The following LSAMP variants were observed in gnomAD, a reference collection of about 807,000 sequenced individuals.
LSAMP encodes limbic system-associated membrane protein.
Under a neutral mutation model 38.6 loss-of-function variants are expected in LSAMP, and 7 were observed. That is an observed-to-expected ratio of 0.18 (90% CI 0.10 to 0.34). The LOEUF (loss-of-function observed/expected upper bound fraction) is 0.34. Among genes scored for constraint, LSAMP ranks in the 10% least tolerant of loss-of-function variants. The pLI, the probability that LSAMP is intolerant of heterozygous loss-of-function variation, is 1.00. For synonymous variants in LSAMP, 154 were observed against 166.8 expected, an observed-to-expected ratio of 0.92 and a Z score of 0.59; for missense variants, 313 against 420.0, an observed-to-expected ratio of 0.75 and a Z score of 2.23.
chr3:115,852,338 G>A, intron 4 of LSAMP, 145 bp downstream of exon 4: 2 of 842,570 alleles, frequency 2.4e-6, no homozygotes, highest in Non-Finnish European at 3.4e-6. Context: ...GCCCTTGGAT[G>A]TGTTCAATGT....
intron 1 of LSAMP, among the ~76,000 whole-genome samples, chr3:116,276,694 A>G (rs1405887611): frequency 6.6e-6 from 1 of 152,030 alleles, no homozygotes; most frequent in African/African-American, 2.4e-5. Flanking sequence ...GAAAAAAAAA[A>G]AAAGAAAACA....
chr3:115,951,050 G>A (rs960516941), intron 3 of LSAMP, among the ~76,000 whole-genome samples: 1 of 152,122 alleles, frequency 6.6e-6, no homozygotes, highest in Admixed American at 6.6e-5. Flanking sequence ...AACAAATGGT[G>A]CTGGTATAAT....
chr3:116,409,920 T>C (rs2048948717), intron 1 of LSAMP, among the ~76,000 whole-genome samples: 1 of 152,072 alleles, frequency 6.6e-6, no homozygotes, highest in Admixed American at 6.6e-5. Context: ...GCTCTCCCAC[T>C]ACGTGTCTGC....
chr3:116,416,609 C>T (rs2049053997), intron 1 of LSAMP, among the ~76,000 whole-genome samples: 2 of 152,132 alleles, frequency 1.3e-5, no homozygotes, highest in Non-Finnish European at 2.9e-5. Context: ...CCTTTCCTTG[C>T]CTTTTGGTGA....
chr3:116,136,410 A>G (rs934277342), intron 1 of LSAMP, among the ~76,000 whole-genome samples: 2 of 152,160 alleles, frequency 1.3e-5, no homozygotes, highest in African/African-American at 4.8e-5. Flanking sequence ...CAGGCATCAT[A>G]AAAGAACAAA....
At chr3:116,274,941 G>A (rs755454218) in intron 1 of LSAMP, among the ~76,000 whole-genome samples, 6 of 108,722 alleles carry the variant, frequency 5.5e-5, no homozygotes, top group Non-Finnish European at 1.1e-4. Context: ...GAATAACATC[G>A]AGTAAAAATA....
At chr3:116,162,140 AT>A (rs1179621529) in intron 1 of LSAMP, among the ~76,000 whole-genome samples, 1 of 152,182 alleles carries the variant, frequency 6.6e-6, no homozygotes, top group Non-Finnish European at 1.5e-5. Flanking sequence ...ATGAAAATGA[AT>A]TCTAGTGCTA....
At chr3:116,122,080 C>G (rs1390932336) in intron 1 of LSAMP, among the ~76,000 whole-genome samples, 2 of 151,950 alleles carry the variant, frequency 1.3e-5, no homozygotes, top group African/African-American at 4.8e-5. Context: ...AAATAAAAAT[C>G]AAGGCATCAA....
chr3:116,126,412 G>C (rs1303441037), intron 1 of LSAMP, among the ~76,000 whole-genome samples: 1 of 152,226 alleles, frequency 6.6e-6, no homozygotes, highest in Non-Finnish European at 1.5e-5. Context: ...TTGGAAATAA[G>C]GAGTGTTGAT....
chr3:115,806,315 A>T lies in LSAMP; in HGVS notation c.*4002T>A. 6.6e-6 allele frequency: 1 copy of T among 152,180 alleles called. No homozygotes were observed. The highest frequency in any genetic ancestry group is 1.5e-5 in the Non-Finnish European group (1 of 68,034). 9.4% of individuals were successfully genotyped at this position (152,180 alleles called of 1,614,324 possible). A position where few individuals can be genotyped will look rare whatever the true frequency, so the allele number is the denominator to read the frequency against. On this transcript the variant is annotated 3_prime_UTR_variant, in exon 7 of 7. Transcript: ENST00000490035. ...CATTATTGTAAATATAGCATCTATAAAGATAAAAAATACACACACATATAT... is the reference window on the plus strand; with the variant it reads ...CATTATTGTAAATATAGCATCTATATAGATAAAAAATACACACACATATAT...
intron 3 of LSAMP, among the ~76,000 whole-genome samples, chr3:115,864,442 T>C (rs993443771): frequency 6.6e-6 from 1 of 152,182 alleles, no homozygotes; most frequent in Non-Finnish European, 1.5e-5. Context: ...CTCACATTGG[T>C]GCAGCATCAT....
intron 1 of LSAMP, among the ~76,000 whole-genome samples, chr3:116,426,865 AATT>A (rs1197339109): frequency 1.3e-5 from 2 of 150,634 alleles, no homozygotes; most frequent in Non-Finnish European, 2.9e-5. Context: ...GGGGGAGTGT[AATT>A]ATTATTATTA....
chr3:115,851,338 C>G (rs1935324955), intron 4 of LSAMP, among the ~76,000 whole-genome samples: 1 of 152,286 alleles, frequency 6.6e-6, no homozygotes, highest in Middle Eastern at 3.4e-3. Context: ...TCCTTATCTT[C>G]CTCCTGAGAG....
intron 4 of LSAMP, 21 bp from the exon 5 acceptor site, chr3:115,842,599 C>G (rs767438874): frequency 6.2e-7 from 1 of 1,611,906 alleles, no homozygotes; most frequent in East Asian, 2.2e-5. Flanking sequence ...GACAGGCACA[C>G]AAGTTTACAT....
chr3:115,886,733 C>G (rs1448166035), intron 3 of LSAMP, among the ~76,000 whole-genome samples: 1 of 151,940 alleles, frequency 6.6e-6, no homozygotes, highest in African/African-American at 2.4e-5. Context: ...TGCATTTCCA[C>G]AAACCCACTT....
chr3:116,357,223 T>C (rs1055321625), intron 1 of LSAMP, among the ~76,000 whole-genome samples: 1 of 152,182 alleles, frequency 6.6e-6, no homozygotes, highest in Non-Finnish European at 1.5e-5. Context: ...TTAGAGTCAA[T>C]GTGAAAAAAC....
At chr3:116,357,929 A>AG (rs1212945678) in intron 1 of LSAMP, among the ~76,000 whole-genome samples, 2 of 151,948 alleles carry the variant, frequency 1.3e-5, no homozygotes, top group African/African-American at 4.8e-5. Context: ...AAAAAAAAAA[A>AG]AGAGGTTGAA....
At chr3:116,269,925 A>G (rs965662881) in intron 1 of LSAMP, among the ~76,000 whole-genome samples, 1 of 152,164 alleles carries the variant, frequency 6.6e-6, no homozygotes, top group African/African-American at 2.4e-5. Context: ...AACTGTGTTT[A>G]CTGGACTTCT....
At chr3:116,379,771 A>T (rs1183973902) in intron 1 of LSAMP, among the ~76,000 whole-genome samples, 1 of 152,048 alleles carries the variant, frequency 6.6e-6, no homozygotes. Flanking sequence ...GAGAGTGGAA[A>T]TTAGAAGAAA....
Sources: gnomAD v4.1 joint callset for allele counts (sites outside exome capture counted in the v4.1 genomes callset) on GRCh38, gnomAD v4.1.1 for gene constraint, MANE v1.5 for transcripts, NCBI Gene and HGNC (gene_info 2026-07-23, HGNC 2026-07-21) for gene names.